Variants in KHDRBS2 observed in about 807,000 individuals in gnomAD.
The protein encoded by KHDRBS2 is KH RNA binding domain containing, signal transduction associated 2.
KHDRBS2 carries 26 observed loss-of-function variants against 44.3 expected under a neutral mutation model. The ratio of observed to expected loss-of-function variants is 0.59; its 90% CI spans 0.43 to 0.81. KHDRBS2 has a LOEUF of 0.81. Ranked by LOEUF, KHDRBS2 falls within the 40% of genes least tolerant of loss-of-function variation. The pLI is 0.00. For missense variants in KHDRBS2, 476 were observed against 433.1 expected, an observed-to-expected ratio of 1.10 and a Z score of -0.88; for synonymous variants, 194 against 151.1, an observed-to-expected ratio of 1.28 and a Z score of -2.08.
intron 1 of KHDRBS2, among the ~76,000 whole-genome samples, chr6:62,230,403 T>C (rs1284429898): frequency 6.6e-6 from 1 of 152,142 alleles, no homozygotes; most frequent in East Asian, 1.9e-4. Flanking sequence ...AGTAAATTGT[T>C]AAAAAATTAA....
At chr6:62,012,288 T>C (rs1471869955) in intron 3 of KHDRBS2, among the ~76,000 whole-genome samples, 1 of 152,192 alleles carries the variant, frequency 6.6e-6, no homozygotes, top group African/African-American at 2.4e-5. Flanking sequence ...TCCAAAATCA[T>C]GCACTTCTCT....
chr6:61,618,279 T>C, the KHDRBS2 span, among the ~76,000 whole-genome samples: 1 of 152,192 alleles, frequency 6.6e-6, no homozygotes, highest in Non-Finnish European at 1.5e-5. Context: ...TCTAGTTACC[T>C]AGAAGTTCCA....
chr6:61,561,767 T>C, the KHDRBS2 span, among the ~76,000 whole-genome samples: 2 of 152,160 alleles, frequency 1.3e-5, no homozygotes, highest in East Asian at 3.9e-4. Flanking sequence ...TGGCCCAGGA[T>C]AGGTCCAGAA....
chr6:62,229,014 C>A (rs1380852176), intron 1 of KHDRBS2, among the ~76,000 whole-genome samples: 5 of 152,190 alleles, frequency 3.3e-5, no homozygotes, highest in Non-Finnish European at 7.4e-5. Context: ...TTTAACAAAG[C>A]ACTTTGACTG....
chr6:62,036,486 C>T (rs1299933145), intron 3 of KHDRBS2, among the ~76,000 whole-genome samples: 1 of 151,794 alleles, frequency 6.6e-6, no homozygotes, highest in Non-Finnish European at 1.5e-5. Flanking sequence ...CACCAGACTC[C>T]CATAACACAC....
At chr6:61,853,425 T>C (rs1795734544) in intron 6 of KHDRBS2, among the ~76,000 whole-genome samples, 1 of 152,178 alleles carries the variant, frequency 6.6e-6, no homozygotes, top group African/African-American at 2.4e-5. Context: ...TAAACATAAT[T>C]ACAGTTATGT....
At chr6:61,892,477 C>A (rs1802041367) in intron 6 of KHDRBS2, among the ~76,000 whole-genome samples, 1 of 152,194 alleles carries the variant, frequency 6.6e-6, no homozygotes. Context: ...AAGCTGGATG[C>A]ATCATGCTAC....
rs1459292596 is a variant in KHDRBS2 at position 61,868,134 on chromosome 6, G to A, written c.810+26501C>T. On this transcript the variant is annotated intron_variant, in intron 6 of 8. Transcript: ENST00000281156. ...GAGAAATTAGAACTCTGTAGGAGGT[G>A]TAACTCAAGCAGGGGTGGCTGGGAG... is the stretch of plus-strand genomic sequence containing the variant. 7.2e-5 allele frequency among the ~76,000 whole-genome samples: 11 copies of A among 151,972 alleles called. No individual in the cohort carries two copies. The East Asian group carries it at 2.1e-3, about 30-fold the overall frequency.
chr6:61,596,363 A>G, the KHDRBS2 span, among the ~76,000 whole-genome samples: 1 of 152,226 alleles, frequency 6.6e-6, no homozygotes, highest in East Asian at 1.9e-4. Context: ...TGAAAATTCT[A>G]AAGACATTTT....
the KHDRBS2 span, chr6:61,659,202 T>G: frequency 2.0e-5 from 3 of 151,822 alleles, no homozygotes; most frequent in African/African-American, 4.8e-5. Context: ...ATATATAAAG[T>G]GCATGCCCTT....
At chr6:62,060,499 T>C (rs1293252108) in intron 2 of KHDRBS2, among the ~76,000 whole-genome samples, 5 of 151,572 alleles carry the variant, frequency 3.3e-5, no homozygotes, top group Admixed American at 3.3e-4. Flanking sequence ...GATTTGGCAA[T>C]TAGGAAAAAT....
Position 61,931,468 on chromosome 6 carries a change from GATAT to G in KHDRBS2, c.484-30101_484-30098del, listed in dbSNP as rs569980122. Among the ~76,000 whole-genome samples the G allele has an allele frequency of 5.3e-5, 8 of 151,712 alleles. No individual in the cohort carries two copies. In the East Asian group the frequency reaches 1.5e-3, roughly 29 times the overall value. On this transcript the variant is annotated intron_variant, in intron 4 of 8. Transcript: ENST00000281156. Reference sequence around the variant, plus strand: ...CATACACACATATATATGTGCTAAAGATATATATATACATAATCCTTAACACTTG... The same window carrying G: ...CATACACACATATATATGTGCTAAAGATATATACATAATCCTTAACACTTG...
At chr6:61,991,813 G>A (rs956589983) in intron 3 of KHDRBS2, among the ~76,000 whole-genome samples, 64 of 152,286 alleles carry the variant, frequency 4.2e-4, no homozygotes, top group African/African-American at 1.5e-3. Context: ...CCAGAGAGGG[G>A]AAAACAAGTA....
chr6:62,205,984 T>C (rs1271674799), intron 1 of KHDRBS2, among the ~76,000 whole-genome samples: 1 of 152,084 alleles, frequency 6.6e-6, no homozygotes, highest in African/African-American at 2.4e-5. Flanking sequence ...TGAATTTTAG[T>C]TGAAGAGAAG....
chr6:61,834,814 CTA>C (rs748636272), intron 6 of KHDRBS2, among the ~76,000 whole-genome samples: 3 of 151,932 alleles, frequency 2.0e-5, no homozygotes, highest in Non-Finnish European at 4.4e-5. Context: ...AAGTACAAGT[CTA>C]TGTCTACTTA....
At chr6:62,182,891 A>T (rs917316898) in intron 1 of KHDRBS2, among the ~76,000 whole-genome samples, 2 of 151,872 alleles carry the variant, frequency 1.3e-5, no homozygotes, top group Non-Finnish European at 2.9e-5. Flanking sequence ...ACTCTTTCTG[A>T]AAATACGAGT....
the KHDRBS2 span, among the ~76,000 whole-genome samples, chr6:61,646,639 A>T: frequency 0.016 from 2,378 of 152,186 alleles, 59 homozygotes; most frequent in African/African-American, 0.054. Flanking sequence ...TGGCTTTCAC[A>T]TATGTTCAGA....
At chr6:61,769,946 G>T (rs899868667) in intron 6 of KHDRBS2, among the ~76,000 whole-genome samples, 1 of 152,166 alleles carries the variant, frequency 6.6e-6, no homozygotes, top group African/African-American at 2.4e-5. Context: ...CAGTAGGGGT[G>T]GACTGACACC....
intron 6 of KHDRBS2, among the ~76,000 whole-genome samples, chr6:61,893,122 T>C (rs1235418851): frequency 6.6e-6 from 1 of 152,170 alleles, no homozygotes; most frequent in African/African-American, 2.4e-5. Context: ...AGAAGACATT[T>C]ATGCAGCCAA....
Sources: allele counts gnomAD v4.1 joint callset (sites outside exome capture counted in the v4.1 genomes callset), GRCh38; gene constraint gnomAD v4.1.1; transcripts MANE v1.5; gene names NCBI Gene and HGNC (gene_info 2026-07-23, HGNC 2026-07-21).